ADGRE3: variants seen among roughly 807,000 people sequenced by gnomAD.
ADGRE3 encodes the protein EGF-like module receptor 3.
A neutral mutation model predicts 80.1 loss-of-function variants in ADGRE3; 88 were observed. The ratio of observed to expected loss-of-function variants is 1.10; its 90% CI spans 0.93 to 1.31. ADGRE3 has a LOEUF of 1.31. ADGRE3 is among the 40% of genes most tolerant of loss of function. ADGRE3 has a pLI of 0.00. For synonymous variants in ADGRE3, 281 were observed against 294.8 expected (o/e 0.95, Z 0.48); for missense variants, 715 against 776.5 (o/e 0.92, Z 0.94).
At chr19:14,624,045 C>A in intron 15 of ADGRE3, among the ~76,000 whole-genome samples, 1 of 151,952 alleles carries the variant, frequency 6.6e-6, no homozygotes. Flanking sequence ...GCGATCCTCC[C>A]ATCTTAGCCT....
chr19:14,631,508 AAT>A (rs974788344), intron 13 of ADGRE3, among the ~76,000 whole-genome samples: 45 of 151,276 alleles, frequency 3.0e-4, no homozygotes, highest in Admixed American at 2.2e-3. Context: ...ATACACACAC[AAT>A]ATATATATGT....
At chr19:14,636,094 CTT>C (rs1243795726) in intron 11 of ADGRE3, among the ~76,000 whole-genome samples, 1 of 37,114 alleles carries the variant, frequency 2.7e-5, no homozygotes, top group African/African-American at 8.2e-5. Flanking sequence ...TTCTTTCTTT[CTT>C]TCTTTCTTTC....
chr19:14,650,300 C>G (rs907515396), intron 7 of ADGRE3, among the ~76,000 whole-genome samples: 10 of 151,296 alleles, frequency 6.6e-5, no homozygotes, highest in Non-Finnish European at 1.3e-4. Context: ...ACCACTCTCC[C>G]CATCTCTCTT....
At chr19:14,640,447 G>A (rs1311839678) in intron 10 of ADGRE3, among the ~76,000 whole-genome samples, 1 of 151,880 alleles carries the variant, frequency 6.6e-6, no homozygotes, top group African/African-American at 2.4e-5. Context: ...TCATCACCAC[G>A]CTGGGCTAAT....
intron 9 of ADGRE3, among the ~76,000 whole-genome samples, chr19:14,641,939 T>C (rs1054597317): frequency 6.6e-6 from 1 of 152,180 alleles, no homozygotes; most frequent in African/African-American, 2.4e-5. Flanking sequence ...GTATCAAAAA[T>C]TACTCATATT....
chr19:14,655,546 C>A (rs1971730870), intron 5 of ADGRE3, among the ~76,000 whole-genome samples: 1 of 152,034 alleles, frequency 6.6e-6, no homozygotes, highest in Admixed American at 6.6e-5. Context: ...ACCTCCAGCT[C>A]CTGGGTTCAA....
intron 7 of ADGRE3, among the ~76,000 whole-genome samples, chr19:14,650,629 ATCTCTCTCTCTCTCTCTCTCTCTCTC>A (rs376333448): frequency 4.0e-5 from 1 of 24,910 alleles, no homozygotes; most frequent in Non-Finnish European, 7.2e-5. Context: ...CTCTGTCTCC[ATCTCTCTCTCTCTCTCTCTCTCTCTC>A]TCTCTCTCTC....
At chr19:14,629,411 G>A (rs1409390683) in intron 14 of ADGRE3, among the ~76,000 whole-genome samples, 1 of 152,136 alleles carries the variant, frequency 6.6e-6, no homozygotes, top group African/African-American at 2.4e-5. Flanking sequence ...TTAGTCTCTT[G>A]GTGGGTTGAG....
intron 10 of ADGRE3, among the ~76,000 whole-genome samples, chr19:14,639,313 T>C (rs111623860): frequency 0.017 from 2,517 of 152,302 alleles, 74 homozygotes; most frequent in African/African-American, 0.058. Flanking sequence ...CTTCACATTG[T>C]ACCCCATAAT....
intron 11 of ADGRE3, among the ~76,000 whole-genome samples, chr19:14,636,074 TC>T (rs1389610686): frequency 4.1e-5 from 4 of 97,642 alleles, no homozygotes; most frequent in African/African-American, 7.2e-5. Flanking sequence ...TCCTTTCCTT[TC>T]CTTTCCCTTT....
At chr19:14,667,015 A>C (rs1375083751) in intron 2 of ADGRE3, among the ~76,000 whole-genome samples, 2 of 152,130 alleles carry the variant, frequency 1.3e-5, no homozygotes, top group East Asian at 3.9e-4. Flanking sequence ...ATGAGGTCGT[A>C]CTGGAGTAGG....
At chr19:14,638,918 T>C (rs1199636078) in intron 10 of ADGRE3, among the ~76,000 whole-genome samples, 2 of 152,168 alleles carry the variant, frequency 1.3e-5, no homozygotes, top group Admixed American at 6.6e-5. Flanking sequence ...TTTTATTTCT[T>C]TGTGACAGGA....
chr19:14,662,823 T>C (rs1475566140), intron 3 of ADGRE3, among the ~76,000 whole-genome samples: 1 of 148,090 alleles, frequency 6.8e-6, no homozygotes, highest in Non-Finnish European at 1.5e-5. Flanking sequence ...TCCCAGCACT[T>C]TGGGAGGCCG....
chr19:14,625,087 T>C (rs527490378), intron 15 of ADGRE3, among the ~76,000 whole-genome samples: 8 of 152,206 alleles, frequency 5.3e-5, no homozygotes, highest in African/African-American at 1.9e-4. Flanking sequence ...TCAAGTGATT[T>C]TCCTGTCTCA....
rs1286833548 is a variant in ADGRE3 at position 14,630,064 on chromosome 19, A to T, written c.1787T>A (p.Leu596Ter). 1 of 1,610,456 alleles carries T rather than the reference A, an allele frequency of 6.2e-7. No homozygotes were observed. Among genetic ancestry groups the T allele is most frequent in the East Asian group, 2.2e-5 (1 of 44,872 alleles). The change falls in exon 14 of 16, where the codon TTG becomes TAG. Residue 596 changes from leucine to a stop codon, truncating the protein, a stop_gained. Coordinates refer to ENST00000253673, the MANE Select transcript of ADGRE3 (RefSeq NM_032571.5). LOFTEE classifies it high-confidence loss of function. Reference sequence around the variant, plus strand: ...CTGCTGGCTGAGGAGGCAGTAGACCAAGAAGATGAAGAAGCCTTGGAGGCT... The same window carrying T: ...CTGCTGGCTGAGGAGGCAGTAGACCTAGAAGATGAAGAAGCCTTGGAGGCT... ...INSLQGFFIFLVYCLLSQQVQ... is the reference protein window; with the variant it reads ...INSLQGFFIF
intron 1 of ADGRE3, among the ~76,000 whole-genome samples, chr19:14,671,857 C>A (rs1434082341): frequency 6.6e-6 from 1 of 151,904 alleles, no homozygotes; most frequent in Non-Finnish European, 1.5e-5. Flanking sequence ...TGCAATCATA[C>A]CTCACTGTAG....
intron 2 of ADGRE3, among the ~76,000 whole-genome samples, chr19:14,668,272 A>G (rs1972156557): frequency 6.6e-6 from 1 of 152,112 alleles, no homozygotes; most frequent in African/African-American, 2.4e-5. Flanking sequence ...AAGAAGAAAA[A>G]AAGAGACTCT....
At chr19:14,647,115 T>C (rs1971428792) in intron 8 of ADGRE3, 66 bp downstream of exon 8, 1 of 1,325,522 alleles carries the variant, frequency 7.5e-7, no homozygotes, top group Non-Finnish European at 1.1e-6. Context: ...CAGCCTGGGA[T>C]GATACACACA....
chr19:14,655,863 A>G (rs1163063270), intron 5 of ADGRE3, among the ~76,000 whole-genome samples: 3 of 152,108 alleles, frequency 2.0e-5, no homozygotes, highest in Admixed American at 2.0e-4. Context: ...TACTCCCTCC[A>G]CAGGGCACAT....
Sources: allele counts gnomAD v4.1 joint callset (sites outside exome capture counted in the v4.1 genomes callset), GRCh38; gene constraint gnomAD v4.1.1; transcripts MANE v1.5; gene names NCBI Gene and HGNC (gene_info 2026-07-23, HGNC 2026-07-21).